Variants in MAOA observed in about 807,000 individuals in gnomAD.
MAOA encodes the protein amine oxidase [flavin-containing] A.
In MAOA, 6 loss-of-function variants were observed where a neutral mutation model predicts 42.0. The observed-to-expected ratio is 0.14, with a 90% CI of 0.08 to 0.28. The LOEUF is 0.28. MAOA is among the 10% of genes least tolerant of loss of function. The pLI is 1.00. For missense variants in MAOA, 262 were observed against 422.3 expected, an observed-to-expected ratio of 0.62 and a Z score of 3.33; for synonymous variants, 140 against 154.0, an observed-to-expected ratio of 0.91 and a Z score of 0.67.
intron 1 of MAOA, among the ~76,000 whole-genome samples, chrX:43,681,864 C>CTATATATA (rs781622470): frequency 1.9e-4 from 18 of 94,983 alleles, no homozygotes; most frequent in African/African-American, 7.3e-4. Flanking sequence ...CACAATAGCA[C>CTATATATA]TATATATATA....
At chrX:43,699,596 G>A (rs2033606770) in intron 3 of MAOA, among the ~76,000 whole-genome samples, 1 of 111,426 alleles carries the variant, frequency 9.0e-6, no homozygotes, top group African/African-American at 3.3e-5. Context: ...GTGTGATAAA[G>A]ATTTATTTAA....
chrX:43,738,046 A>G (rs2033933254), intron 10 of MAOA, among the ~76,000 whole-genome samples: 1 of 112,224 alleles, frequency 8.9e-6, no homozygotes, highest in Non-Finnish European at 1.9e-5. Context: ...ATCCCAAAAG[A>G]TGTTTGGAAA....
At chrX:43,708,929 C>T (rs749154168) in intron 3 of MAOA, among the ~76,000 whole-genome samples, 85 of 110,490 alleles carry the variant, frequency 7.7e-4, no homozygotes, top group African/African-American at 2.8e-3. Flanking sequence ...GACGTGATCT[C>T]GGCTCACTGC....
chrX:43,699,879 A>G (rs958876110), intron 3 of MAOA, among the ~76,000 whole-genome samples: 8 of 112,027 alleles, frequency 7.1e-5, no homozygotes, highest in African/African-American at 2.6e-4. Context: ...AATTTGACCC[A>G]TGGCTTATAA....
intron 1 of MAOA, among the ~76,000 whole-genome samples, chrX:43,663,934 T>A (rs1039048116): frequency 2.0e-4 from 22 of 112,056 alleles, no homozygotes; most frequent in Non-Finnish European, 1.1e-4. Context: ...TTGGAAAATC[T>A]GATGAAAGCT....
In MAOA at chrX:43,746,791, GT is replaced by G. The variant is rs1270636623; in HGVS notation, c.*2280del. 33 of 111,959 alleles carry G rather than the reference GT, an allele frequency of 2.9e-4. No homozygotes were observed. Among genetic ancestry groups the G allele is most frequent in the African/African-American group, 1.1e-3 (33 of 30,813 alleles). The allele number at this position is 111,959 out of a possible 1,213,427, so 9.2% of individuals were successfully genotyped here. A position where few individuals can be genotyped will look rare whatever the true frequency, so the allele number is the denominator to read the frequency against. ...TTGCCTGTATGGTACTGTTTTGTTT[GT>G]TAATAAAGTGCACTGCCACCCCCAA... is the stretch of plus-strand genomic sequence containing the variant. On this transcript the variant is annotated 3_prime_UTR_variant, in exon 15 of 15. Coordinates refer to ENST00000338702, the MANE Select transcript of MAOA (RefSeq NM_000240.4).
chrX:43,657,341 A>T (rs1340131492), intron 1 of MAOA, among the ~76,000 whole-genome samples: 1 of 105,829 alleles, frequency 9.4e-6, no homozygotes, highest in African/African-American at 3.4e-5. Flanking sequence ...GGTGTAGGAC[A>T]TTTATTGTCC....
At chrX:43,656,209 C>G (rs1186987769), upstream of MAOA, 20 of 563,947 alleles carry the variant, frequency 3.5e-5, no homozygotes, top group Non-Finnish European at 3.3e-5. Flanking sequence ...CCACAGTGCC[C>G]GGCTCCCCCC....
Position 43,742,329 on chromosome X carries a change from G to T in MAOA, c.1262+282G>T, listed in dbSNP as rs756907092. Among the ~76,000 whole-genome samples, 3 of 112,429 alleles carry T rather than the reference G, an allele frequency of 2.7e-5. No homozygotes were observed. The East Asian group carries it at 8.4e-4, about 32-fold the overall frequency. Reference sequence around the variant, plus strand: ...CTACAGTGTCCTCCAAGGGGACTTCGTGAGCTCAACTTGACATTTAGTCTC... The same window carrying T: ...CTACAGTGTCCTCCAAGGGGACTTCTTGAGCTCAACTTGACATTTAGTCTC... On this transcript the variant is annotated intron_variant, in intron 12 of 14. Transcript: ENST00000338702.
At chrX:43,666,876 A>T (rs1185771632) in intron 1 of MAOA, among the ~76,000 whole-genome samples, 1 of 108,692 alleles carries the variant, frequency 9.2e-6, no homozygotes, top group South Asian at 4.1e-4. Flanking sequence ...ATATACTTGC[A>T]TGGCTCACTT....
intron 1 of MAOA, among the ~76,000 whole-genome samples, chrX:43,675,289 C>T (rs2033383882): frequency 8.9e-6 from 1 of 112,206 alleles, no homozygotes; most frequent in Admixed American, 9.5e-5. Context: ...CTTTCAGCTC[C>T]ATCAGCTCCT....
At position 43,745,967 on chromosome X, in the gene MAOA, T is replaced by A. The variant is rs2033996195; in HGVS notation, c.*1454T>A. ...TGTGAGGACATAAATCTTCCAAAGTTTTGCCTATCCTAAGAGCTGCATTTT... is the reference window on the plus strand; with the variant it reads ...TGTGAGGACATAAATCTTCCAAAGTATTGCCTATCCTAAGAGCTGCATTTT... On this transcript the variant is annotated 3_prime_UTR_variant, in exon 15 of 15. Coordinates refer to ENST00000338702, the MANE Select transcript of MAOA (RefSeq NM_000240.4). 8.9e-6 allele frequency: 1 copy of A among 112,027 alleles called. No individual in the cohort carries two copies. The highest frequency in any genetic ancestry group is 1.9e-5 in the Non-Finnish European group (1 of 53,225). 9.2% of individuals were successfully genotyped at this position (112,027 alleles called of 1,213,427 possible). A position where few individuals can be genotyped will look rare whatever the true frequency, so the allele number is the denominator to read the frequency against.
At chrX:43,724,637 T>C (rs940872858) in intron 5 of MAOA, among the ~76,000 whole-genome samples, 2 of 111,535 alleles carry the variant, frequency 1.8e-5, no homozygotes, top group Non-Finnish European at 3.8e-5. Flanking sequence ...CTGGATTCAC[T>C]GATATTTTTG....
chrX:43,699,695 C>G (rs780869251), intron 3 of MAOA, among the ~76,000 whole-genome samples: 1 of 110,319 alleles, frequency 9.1e-6, no homozygotes, highest in African/African-American at 3.3e-5. Context: ...CAGCCCTTTA[C>G]TCCAGGTTTC....
intron 2 of MAOA, among the ~76,000 whole-genome samples, chrX:43,690,487 C>T (rs2033523992): frequency 9.0e-6 from 1 of 111,115 alleles, no homozygotes; most frequent in Admixed American, 9.6e-5. Context: ...TATAATTCAA[C>T]TATTATGAAA....
chrX:43,699,131 T>C (rs60611309), intron 3 of MAOA, among the ~76,000 whole-genome samples: 1,117 of 111,106 alleles, frequency 0.01, 16 homozygotes, highest in African/African-American at 0.034. Context: ...ATTTAAAATA[T>C]AATTTTAAAA....
intron 11 of MAOA, among the ~76,000 whole-genome samples, chrX:43,741,458 G>A (rs1210761690): frequency 9.0e-6 from 1 of 111,657 alleles, no homozygotes; most frequent in Non-Finnish European, 1.9e-5. Context: ...CATCATACAT[G>A]TTTCCAGCTT....
At chrX:43,673,981 G>A (rs1467216075) in intron 1 of MAOA, among the ~76,000 whole-genome samples, 136 of 109,667 alleles carry the variant, frequency 1.2e-3, no homozygotes, top group African/African-American at 4.5e-3. Context: ...GCAGAGCTGA[G>A]TTCAATTCCT....
chrX:43,667,394 G>A (rs1293998903), intron 1 of MAOA, among the ~76,000 whole-genome samples: 1 of 111,467 alleles, frequency 9.0e-6, no homozygotes, highest in African/African-American at 3.3e-5. Flanking sequence ...CACCTAGGAT[G>A]ATGCCCGGGA....
Sources: gnomAD v4.1 joint callset for allele counts (sites outside exome capture counted in the v4.1 genomes callset) on GRCh38, gnomAD v4.1.1 for gene constraint, MANE v1.5 for transcripts, NCBI Gene and HGNC (gene_info 2026-07-23, HGNC 2026-07-21) for gene names.